The following INKA2 variants were observed in gnomAD, a reference collection of about 807,000 sequenced individuals.
INKA2 encodes the protein PAK4-inhibitor INKA2.
INKA2 carries 3 observed loss-of-function variants against 9.8 expected under a neutral mutation model. That is an observed-to-expected ratio of 0.31 (90% CI 0.14 to 0.79). INKA2 has a LOEUF of 0.79. INKA2 is among the 30% of genes least tolerant of loss of function. The pLI is 0.62. For missense variants in INKA2, 392 were observed against 384.4 expected (o/e 1.02, Z -0.17); for synonymous variants, 147 against 143.3 (o/e 1.03, Z -0.18).
chr1:111,743,481 G>A (rs1004950144), upstream of INKA2, among the ~76,000 whole-genome samples: 1 of 152,158 alleles, frequency 6.6e-6, no homozygotes, highest in Non-Finnish European at 1.5e-5. Context: ...GCCAGAGCCT[G>A]AAGCTCCTGG....
In INKA2 at chr1:111,727,798, T is replaced by C; in HGVS notation, c.64A>G (p.Met22Val). The change falls in exon 2 of 2, where the codon ATG (methionine) becomes GTG (valine). Residue 22 changes from methionine (M) to valine (V), a missense_variant. Met to Val is a conservative substitution (Grantham distance 21). Coordinates refer to ENST00000357260, the MANE Select transcript of INKA2 (RefSeq NM_019099.5). Reference protein sequence around the residue: ...LRRLKQELMSMKEVGDGLQDQ... With the variant: ...LRRLKQELMSVKEVGDGLQDQ... ...TGTAAGCCATCACCCACCTCCTTCATGGACATCTGCAGGGGAGAGAGAAAG... is the reference window on the plus strand; with the variant it reads ...TGTAAGCCATCACCCACCTCCTTCACGGACATCTGCAGGGGAGAGAGAAAG... 1.9e-6 allele frequency: 3 copies of C among 1,604,728 alleles called. No homozygotes were observed. The highest frequency in any genetic ancestry group is 2.5e-6 in the Non-Finnish European group (3 of 1,179,938).
In INKA2 at chr1:111,724,395, G is replaced by C. The variant is rs1273320501; in HGVS notation, c.*2573C>G. On this transcript the variant is annotated 3_prime_UTR_variant, in exon 2 of 2. Transcript: ENST00000357260. ...AGTCCACGAAACACGTGAGTTATAG[G>C]TGAATGTCCAAGAAGTACCTTGGTT... 6.6e-6 allele frequency: 1 copy of C among 152,224 alleles called. No individual in the cohort carries two copies. The highest frequency in any genetic ancestry group is 1.5e-5 in the Non-Finnish European group (1 of 68,062). 9.4% of individuals were successfully genotyped at this position (152,224 alleles called of 1,614,324 possible).
At chr1:111,741,255 G>T (rs964148886), upstream of INKA2, among the ~76,000 whole-genome samples, 5 of 152,122 alleles carry the variant, frequency 3.3e-5, no homozygotes, top group Non-Finnish European at 5.9e-5. Flanking sequence ...TGTCCCTCTG[G>T]GCGAAGCTGG....
chr1:111,727,418 C>G lies in INKA2; in HGVS notation c.444G>C (p.Arg148=), dbSNP rs754287888. The G allele has an allele frequency of 1.9e-6, 3 of 1,614,166 alleles. No individual in the cohort carries two copies. The Admixed American group carries it at 5.0e-5, about 27-fold the overall frequency. ...ACACCAGAGGCTGTCGATTCCGGCCCCGGGACATCAACGTGGAGGTCCAGT... is the reference window on the plus strand; with the variant it reads ...ACACCAGAGGCTGTCGATTCCGGCCGCGGGACATCAACGTGGAGGTCCAGT... ...PDDWTSTLMS[R]GRNRQPLVLG... Residue 148 remains arginine, a synonymous_variant, in exon 2 of 2, where the codon CGG becomes CGC. Transcript: ENST00000357260.
At chr1:111,729,874 C>G (rs1662867929) in intron 1 of INKA2, among the ~76,000 whole-genome samples, 1 of 152,244 alleles carries the variant, frequency 6.6e-6, no homozygotes, top group African/African-American at 2.4e-5. Context: ...AATGAGCCAG[C>G]AGAAGCAGCA....
chr1:111,732,983 C>A (rs545059869), intron 1 of INKA2, among the ~76,000 whole-genome samples: 1 of 152,198 alleles, frequency 6.6e-6, no homozygotes, highest in Non-Finnish European at 1.5e-5. Context: ...GGTGTCAGCA[C>A]TAGCCCTTTC....
chr1:111,751,440 C>G (rs535083983), intron 1 of INKA2, among the ~76,000 whole-genome samples: 91 of 152,298 alleles, frequency 6.0e-4, no homozygotes, highest in Middle Eastern at 3.4e-3. Context: ...GATCATTTCC[C>G]CAGCTGGGCT....
intron 1 of INKA2, chr1:111,744,669 C>T (rs566043374): frequency 1.8e-4 from 28 of 151,836 alleles, no homozygotes; most frequent in Admixed American, 1.6e-3. Context: ...TGGGTTCAAG[C>T]GATTCTCCTG....
chr1:111,755,456 G>T (rs1663517144), intron 1 of INKA2: 2 of 552,378 alleles, frequency 3.6e-6, no homozygotes, highest in Non-Finnish European at 3.2e-6. Flanking sequence ...GAGGAGCAGC[G>T]AGTCAGGGTA....
At chr1:111,731,897 C>T (rs1348090952) in intron 1 of INKA2, among the ~76,000 whole-genome samples, 1 of 152,180 alleles carries the variant, frequency 6.6e-6, no homozygotes, top group Non-Finnish European at 1.5e-5. Flanking sequence ...GGAGAAGGTC[C>T]TGTTTTTTCC....
chr1:111,741,905 G>C (rs974866223), upstream of INKA2, among the ~76,000 whole-genome samples: 5 of 151,716 alleles, frequency 3.3e-5, no homozygotes, highest in Non-Finnish European at 7.4e-5. Flanking sequence ...TAGTAGAGAC[G>C]GGGTTTCACC....
At chr1:111,750,435 T>A (rs533363681) in intron 1 of INKA2, among the ~76,000 whole-genome samples, 2 of 152,358 alleles carry the variant, frequency 1.3e-5, no homozygotes, top group African/African-American at 4.8e-5. Context: ...TGTTTCTTGA[T>A]AAACTTGATA....
intron 1 of INKA2, among the ~76,000 whole-genome samples, chr1:111,738,044 G>T (rs900260147): frequency 1.3e-5 from 2 of 152,248 alleles, no homozygotes; most frequent in Non-Finnish European, 2.9e-5. Flanking sequence ...GCCCTTTCTA[G>T]ATCCAGGCCT....
chr1:111,735,319 CATCAACAGTTT>C (rs1662988075), intron 1 of INKA2, among the ~76,000 whole-genome samples: 1 of 152,202 alleles, frequency 6.6e-6, no homozygotes, highest in Non-Finnish European at 1.5e-5. Context: ...ATCAAACCAT[CATCAACAGTTT>C]ACCAAGTGCC....
rs968365673 is a variant in INKA2, at chr1:111,723,428, C to T, written c.*3540G>A. ...GGGAGGAGGGAGACCAGGCCGGCCC[C>T]ACTAGCATGCCCAGCAGGGACTCTT... On this transcript the variant is annotated 3_prime_UTR_variant, in exon 2 of 2. Coordinates refer to ENST00000357260, the MANE Select transcript of INKA2 (RefSeq NM_019099.5). The T allele has an allele frequency of 3.8e-6, 1 of 262,952 alleles. No homozygotes were observed. The highest frequency in any genetic ancestry group is 5.1e-5 in the African/African-American group (1 of 19,484). 16.3% of individuals were successfully genotyped at this position (262,952 alleles called of 1,614,324 possible).
At position 111,724,928 on chromosome 1, in the gene INKA2, G is replaced by A. The variant is rs1194713870; in HGVS notation, c.*2040C>T. The A allele has an allele frequency of 6.6e-6, 1 of 152,060 alleles. No individual in the cohort carries two copies. Among genetic ancestry groups the A allele is most frequent in the Non-Finnish European group, 1.5e-5 (1 of 68,032 alleles). The allele number at this position is 152,060 out of a possible 1,614,324, so 9.4% of individuals were successfully genotyped here. On this transcript the variant is annotated 3_prime_UTR_variant, in exon 2 of 2. Transcript: ENST00000357260. ...TGTCTGGAGAACAATGCCTTCTAGG[G>A]TCCTTCTAAGTTTGAGAGATGTGCA...
At chr1:111,728,361 G>C (rs1170555181) in intron 1 of INKA2, among the ~76,000 whole-genome samples, 1 of 152,142 alleles carries the variant, frequency 6.6e-6, no homozygotes, top group Admixed American at 6.5e-5. Flanking sequence ...TCTTTATATA[G>C]ACCGTATGAG....
intron 1 of INKA2, among the ~76,000 whole-genome samples, chr1:111,734,272 C>T (rs1662967094): frequency 6.6e-6 from 1 of 152,226 alleles, no homozygotes; most frequent in Non-Finnish European, 1.5e-5. Flanking sequence ...GATTCCAATG[C>T]TGCCTCTTCC....
chr1:111,733,749 A>T (rs1662957787), intron 1 of INKA2, among the ~76,000 whole-genome samples: 1 of 152,070 alleles, frequency 6.6e-6, no homozygotes, highest in African/African-American at 2.4e-5. Context: ...GTGGTGAGGG[A>T]GGAGCAGGGA....
Sources: gnomAD v4.1 joint callset for allele counts (sites outside exome capture counted in the v4.1 genomes callset) on GRCh38, gnomAD v4.1.1 for gene constraint, MANE v1.5 for transcripts, NCBI Gene and HGNC (gene_info 2026-07-23, HGNC 2026-07-21) for gene names.